The following PARD3B variants were observed in gnomAD, a reference collection of about 807,000 sequenced individuals.
PARD3B encodes par-3 family cell polarity regulator beta.
PARD3B carries 103 observed loss-of-function variants against 130.2 expected under a neutral mutation model. That is an observed-to-expected ratio of 0.79 (90% confidence interval 0.67 to 0.93). The LOEUF is 0.93. Ranked by LOEUF, PARD3B falls within the 40% of genes least tolerant of loss-of-function variation. The probability of loss-of-function intolerance (pLI) is 0.00; values close to 1 mark genes in which losing one functional copy is unlikely to be tolerated. For synonymous variants in PARD3B, 583 were observed against 553.2 expected (o/e 1.05, Z -0.76); for missense variants, 1,609 against 1,499.2 (o/e 1.07, Z -1.21).
chr2:204,627,014 G>C (rs2034509462), intron 1 of PARD3B, among the ~76,000 whole-genome samples: 1 of 152,110 alleles, frequency 6.6e-6, no homozygotes, highest in African/African-American at 2.4e-5. Context: ...CCTCCATGCT[G>C]TTCTCATGAT....
chr2:205,033,565 A>G (rs2125367802), intron 3 of PARD3B, among the ~76,000 whole-genome samples: 1 of 152,288 alleles, frequency 6.6e-6, no homozygotes, highest in South Asian at 2.1e-4. Flanking sequence ...GAGCAAATGT[A>G]TCAATATTCA....
intron 22 of PARD3B, among the ~76,000 whole-genome samples, chr2:205,555,237 A>C (rs937065827): frequency 6.6e-6 from 1 of 152,306 alleles, no homozygotes. Flanking sequence ...CAGAAATAGC[A>C]TTTAAAATTC....
At chr2:205,456,327 C>A (rs140977580) in intron 20 of PARD3B, among the ~76,000 whole-genome samples, 45 of 152,184 alleles carry the variant, frequency 3.0e-4, no homozygotes, top group Non-Finnish European at 1.5e-5. Context: ...TAAACAGTCA[C>A]CTACATGCTT....
rs1340366804 is a variant in PARD3B, at chr2:204,906,255, C to G, written c.223-58897C>G. 2.0e-5 allele frequency among the ~76,000 whole-genome samples: 3 copies of G among 152,124 alleles called. No homozygotes were observed. Among genetic ancestry groups the G allele is most frequent in the East Asian group, 3.9e-4 (2 of 5,192 alleles). On this transcript the variant is annotated intron_variant, in intron 2 of 22. Coordinates refer to ENST00000406610, the MANE Select transcript of PARD3B (RefSeq NM_001302769.2). The surrounding 1 kb of genome is among the most constrained non-coding windows in gnomAD (Gnocchi z 4.3). ...AACCCAGCTCTCTCTGTATGAGATTCTGGAGTAGGTGTCTCCTTCAGAATG... is the reference window on the plus strand; with the variant it reads ...AACCCAGCTCTCTCTGTATGAGATTGTGGAGTAGGTGTCTCCTTCAGAATG...
At chr2:204,835,680 T>C (rs2044003447) in intron 2 of PARD3B, among the ~76,000 whole-genome samples, 1 of 152,248 alleles carries the variant, frequency 6.6e-6, no homozygotes, top group African/African-American at 2.4e-5. Flanking sequence ...TTTTGACTTA[T>C]GCTGGTGTGA....
At position 204,545,896 on chromosome 2, in the gene PARD3B, G is replaced by T. The variant is rs1033273580; in HGVS notation, c.-104G>T. ...GGGTGTTCCGGGGAGCGGCGCCCCG[G>T]GTCTCTGGGCCCACCCGCCCCGGGC... is the stretch of plus-strand genomic sequence containing the variant. On this transcript the variant is annotated 5_prime_UTR_variant, in exon 1 of 23. Coordinates refer to ENST00000406610, the MANE Select transcript of PARD3B (RefSeq NM_001302769.2). 2 of 1,296,272 alleles carry T rather than the reference G, an allele frequency of 1.5e-6. No homozygotes were observed. Among genetic ancestry groups the T allele is most frequent in the Admixed American group, 3.4e-5 (1 of 29,098 alleles). 80.3% of individuals were successfully genotyped at this position (1,296,272 alleles called of 1,614,324 possible). A position where few individuals can be genotyped will look rare whatever the true frequency, so the allele number is the denominator to read the frequency against.
intron 2 of PARD3B, among the ~76,000 whole-genome samples, chr2:204,691,923 A>T (rs555429625): frequency 1.3e-5 from 2 of 152,164 alleles, no homozygotes; most frequent in Non-Finnish European, 2.9e-5. Context: ...AAATGCCAGT[A>T]TGATTAAACT....
rs543735172 is a variant in PARD3B at position 205,277,086 on chromosome 2, C to T, written c.2186-23444C>T. Among the ~76,000 whole-genome samples, 11 of 152,290 alleles carry T rather than the reference C, an allele frequency of 7.2e-5. No homozygotes were observed. In the East Asian group the frequency reaches 1.9e-3, roughly 27 times the overall value. The stretch of plus-strand genomic sequence containing the variant: ...TCTTCAGGAATTAAGGAGAGGCAAC[C>T]TTCTAGGTTACAGTCAGGAAGGTTC... On this transcript the variant is annotated intron_variant, in intron 16 of 22. Coordinates refer to ENST00000406610, the MANE Select transcript of PARD3B (RefSeq NM_001302769.2).
intron 19 of PARD3B, among the ~76,000 whole-genome samples, chr2:205,424,699 AGGAAG>A (rs2047083706): frequency 1.3e-5 from 2 of 152,170 alleles, no homozygotes; most frequent in South Asian, 4.1e-4. Flanking sequence ...TTTCCTCTTC[AGGAAG>A]TTTATGTAGC....
intron 2 of PARD3B, among the ~76,000 whole-genome samples, chr2:204,803,161 A>AT (rs1553528085): frequency 0.063 from 7,397 of 118,314 alleles, 162 homozygotes; most frequent in Middle Eastern, 0.097. Flanking sequence ...AAAAAAAAAA[A>AT]AAATATATAT....
rs2033872321 is a variant in PARD3B, at chr2:204,610,215, C to A, written c.120+64096C>A. ...GAGTCCCCTTGGCCATGAGGGACAT[C>A]CATTCAGACAGTTGGGGGGCTTAGG... On this transcript the variant is annotated intron_variant, in intron 1 of 22. Coordinates refer to ENST00000406610, the MANE Select transcript of PARD3B (RefSeq NM_001302769.2). This position sits in a 1 kb window ranked among gnomAD's most constrained non-coding sequence, Gnocchi z 4.1. 6.6e-6 allele frequency among the ~76,000 whole-genome samples: 1 copy of A among 152,104 alleles called. No homozygotes were observed. Among genetic ancestry groups the A allele is most frequent in the Non-Finnish European group, 1.5e-5 (1 of 68,016 alleles).
intron 21 of PARD3B, among the ~76,000 whole-genome samples, chr2:205,523,637 T>A (rs2051193406): frequency 6.6e-6 from 1 of 152,140 alleles, no homozygotes; most frequent in African/African-American, 2.4e-5. Context: ...TTATACTTTT[T>A]AACCTGTGGT....
At chr2:205,169,790 C>T (rs923189289) in intron 11 of PARD3B, among the ~76,000 whole-genome samples, 5 of 152,176 alleles carry the variant, frequency 3.3e-5, no homozygotes, top group Admixed American at 2.0e-4. Flanking sequence ...AGTCTCCAGT[C>T]ATCCTAAAAC....
At chr2:205,143,025 A>G (rs899940722) in intron 10 of PARD3B, among the ~76,000 whole-genome samples, 1 of 152,170 alleles carries the variant, frequency 6.6e-6, no homozygotes. Context: ...TGATAAGGTC[A>G]GGGAATAGTT....
chr2:204,712,348 C>G (rs550276002), intron 2 of PARD3B, among the ~76,000 whole-genome samples: 1 of 152,184 alleles, frequency 6.6e-6, no homozygotes, highest in South Asian at 2.1e-4. Flanking sequence ...CGCAGTGGCT[C>G]ACACCTGTAA....
chr2:205,542,639 A>G (rs1363707827), intron 21 of PARD3B, among the ~76,000 whole-genome samples: 1 of 152,180 alleles, frequency 6.6e-6, no homozygotes, highest in African/African-American at 2.4e-5. Flanking sequence ...TAAACACTGC[A>G]TAATGACATA....
rs186222590 is a variant in PARD3B at position 204,968,368 on chromosome 2, C to A, written c.394+3045C>A. On this transcript the variant is annotated intron_variant, in intron 3 of 22. Coordinates refer to ENST00000406610, the MANE Select transcript of PARD3B (RefSeq NM_001302769.2). ...ACCATCAACAATATTCTGTTAAAAA[C>A]CAACAACCACCTTCTCCATGTAATG... Among the ~76,000 whole-genome samples, 377 of 152,314 alleles carry A rather than the reference C, an allele frequency of 2.5e-3. 3 individuals are homozygous for A. The highest frequency in any genetic ancestry group is 8.6e-3 in the African/African-American group (357 of 41,566).
Position 204,663,820 on chromosome 2 carries a change from C to T in PARD3B, c.121-22361C>T, listed in dbSNP as rs760317407. ...ATAATTTATAAATTTGGTAATTAGA[C>T]ATTTACAGATCTGATTTCAGCTGTC... On this transcript the variant is annotated intron_variant, in intron 1 of 22. Transcript: ENST00000406610. 5.3e-5 allele frequency among the ~76,000 whole-genome samples: 8 copies of T among 152,186 alleles called. No homozygotes were observed. The East Asian group carries it at 9.6e-4, about 18-fold the overall frequency.
intron 1 of PARD3B, among the ~76,000 whole-genome samples, chr2:204,563,217 G>GTCCCTCTC (rs2031436222): frequency 1.2e-5 from 1 of 86,598 alleles, no homozygotes; most frequent in Non-Finnish European, 2.2e-5. Context: ...TCTTCCCGCT[G>GTCCCTCTC]TCTCTCTCTC....
Sources: allele counts gnomAD v4.1 joint callset (sites outside exome capture counted in the v4.1 genomes callset), GRCh38; gene constraint gnomAD v4.1.1; non-coding constraint Gnocchi (gnomAD v3.1); transcripts MANE v1.5; gene names NCBI Gene and HGNC (gene_info 2026-07-23, HGNC 2026-07-21).